Variants in FGD4 observed in about 807,000 individuals in gnomAD.
FGD4 encodes the protein FYVE, RhoGEF and PH domain containing 4.
FGD4 carries 42 observed loss-of-function variants against 102.0 expected under a neutral mutation model. The ratio of observed to expected loss-of-function variants is 0.41; its 90% CI spans 0.32 to 0.53. The LOEUF is 0.53. Among genes scored for constraint, FGD4 ranks in the 20% least tolerant of loss-of-function variants. FGD4 has a pLI of 0.21. For synonymous variants in FGD4, 380 were observed against 375.7 expected (o/e 1.01, Z -0.13); for missense variants, 902 against 1,078.2 (o/e 0.84, Z 2.29).
At chr12:32,448,043 C>A (rs559160502) in intron 1 of FGD4, among the ~76,000 whole-genome samples, 1 of 152,156 alleles carries the variant, frequency 6.6e-6, no homozygotes, top group Non-Finnish European at 1.5e-5. Flanking sequence ...TGGTACAAGA[C>A]GAACTGTTCA....
In FGD4 at chr12:32,572,470, T is replaced by C. The variant is rs191839664; in HGVS notation, c.320-3796T>C. Among the ~76,000 whole-genome samples the C allele has an allele frequency of 2.6e-5, 4 of 152,282 alleles. No individual in the cohort carries two copies. In the East Asian group the frequency reaches 7.7e-4, roughly 29 times the overall value. On this transcript the variant is annotated intron_variant, in intron 2 of 16. Coordinates refer to ENST00000534526, the MANE Select transcript of FGD4 (RefSeq NM_001370298.3). Reference sequence around the variant, plus strand: ...ACACTATTGATCTCTAGAATTAATATTTATCTGATGAAAGGGAAAAAAATC... The same window carrying C: ...ACACTATTGATCTCTAGAATTAATACTTATCTGATGAAAGGGAAAAAAATC...
chr12:32,593,071 A>G (rs1947609876), intron 4 of FGD4, among the ~76,000 whole-genome samples: 1 of 152,198 alleles, frequency 6.6e-6, no homozygotes, highest in Non-Finnish European at 1.5e-5. Context: ...TGATACAGTT[A>G]CTTTCTAACT....
intron 1 of FGD4, among the ~76,000 whole-genome samples, chr12:32,561,444 G>GT (rs889951967): frequency 4.0e-5 from 6 of 151,776 alleles, no homozygotes; most frequent in African/African-American, 7.3e-5. Flanking sequence ...AATTTTTTGG[G>GT]TTTTTTTTAC....
intron 1 of FGD4, among the ~76,000 whole-genome samples, chr12:32,531,722 C>T (rs1391581576): frequency 1.3e-5 from 2 of 152,150 alleles, no homozygotes; most frequent in African/African-American, 4.8e-5. Context: ...TGAATAAAGG[C>T]TCTGTAAACA....
chr12:32,547,160 G>T (rs1266742533), intron 1 of FGD4, among the ~76,000 whole-genome samples: 1 of 152,126 alleles, frequency 6.6e-6, no homozygotes, highest in Non-Finnish European at 1.5e-5. Context: ...AGGCAAGGCT[G>T]GGCACGGTGG....
Position 32,602,282 on chromosome 12 carries a change from A to G in FGD4, c.1369A>G (p.Ile457Val). The G allele has an allele frequency of 6.2e-7, 1 of 1,614,172 alleles. No individual in the cohort carries two copies. Among genetic ancestry groups the G allele is most frequent in the South Asian group, 1.1e-5 (1 of 91,088 alleles). The change falls in exon 7 of 17, where the codon ATT becomes GTT. Residue 457 changes from isoleucine to valine, a missense_variant. Ile to Val is a conservative substitution (Grantham distance 29). Around this residue, in one of 2 missense-constraint regions of FGD4, gnomAD observed 459 missense variants for 619.0 expected, o/e 0.74. Transcript: ENST00000534526. ...ATTGGTTAAAAACATGACAGAACGTATTCCCCAGTTCAAATCAGTGGTTGA... is the reference window on the plus strand; with the variant it reads ...ATTGGTTAAAAACATGACAGAACGTGTTCCCCAGTTCAAATCAGTGGTTGA... ...MELVKNMTER[I>V]PQFKSVVEEI...
intron 2 of FGD4, among the ~76,000 whole-genome samples, chr12:32,567,207 T>G (rs920680851): frequency 4.6e-5 from 7 of 152,218 alleles, no homozygotes; most frequent in Non-Finnish European, 1.0e-4. Flanking sequence ...ATCTGCCTGT[T>G]GCTTTCTTGC....
chr12:32,615,952 G>A (rs80119281), intron 10 of FGD4, among the ~76,000 whole-genome samples: 2,910 of 152,198 alleles, frequency 0.019, 80 homozygotes, highest in African/African-American at 0.067. Context: ...CATGAAAGGC[G>A]TGTTACTCTC....
chr12:32,638,741 G>C lies in FGD4; in HGVS notation c.2400G>C (p.Trp800Cys), dbSNP rs780572730. 1.9e-6 allele frequency: 3 copies of C among 1,614,172 alleles called. No individual in the cohort carries two copies. ...AGTCAAAACCTTGGCAGAAAGCTTGGTGTGTGATCCCCAAGCAAGACCCTC... is the reference window on the plus strand; with the variant it reads ...AGTCAAAACCTTGGCAGAAAGCTTGCTGTGTGATCCCCAAGCAAGACCCTC... ...MEKSKPWQKAWCVIPKQDPLV... is the reference protein window; with the variant it reads ...MEKSKPWQKACCVIPKQDPLV... Residue 800 changes from tryptophan to cysteine, a missense_variant, in exon 16 of 17, where the codon TGG (tryptophan) becomes TGC (cysteine). Trp to Cys is a radical substitution (Grantham distance 215, BLOSUM62 -2). Coordinates refer to ENST00000534526, the MANE Select transcript of FGD4 (RefSeq NM_001370298.3).
intron 1 of FGD4, among the ~76,000 whole-genome samples, chr12:32,405,155 G>C (rs912710566): frequency 6.6e-6 from 1 of 151,578 alleles, no homozygotes; most frequent in Non-Finnish European, 1.5e-5. Context: ...GGATGGTCTC[G>C]ATCTCCTGAC....
chr12:32,624,655 G>C (rs1019859198), intron 12 of FGD4: 1 of 678,678 alleles, frequency 1.5e-6, no homozygotes, highest in East Asian at 2.8e-5. Context: ...TTTGTATTTC[G>C]TAGAGACGAG....
intron 1 of FGD4, among the ~76,000 whole-genome samples, chr12:32,435,987 C>G (rs1942215873): frequency 6.6e-6 from 1 of 152,072 alleles, no homozygotes; most frequent in Non-Finnish European, 1.5e-5. Context: ...CTCAAAGTAC[C>G]CTTGGTGGAC....
chr12:32,570,404 G>A (rs1945564053), intron 2 of FGD4, among the ~76,000 whole-genome samples: 1 of 151,878 alleles, frequency 6.6e-6, no homozygotes, highest in Admixed American at 6.6e-5. Flanking sequence ...AGGTCTTTTA[G>A]TTAATAGTGC....
intron 1 of FGD4, among the ~76,000 whole-genome samples, chr12:32,555,099 G>C (rs1943982821): frequency 6.6e-6 from 1 of 152,184 alleles, no homozygotes. Context: ...CTGTAATTCA[G>C]TTAAAAATTA....
chr12:32,442,033 G>A (rs1191212507), intron 1 of FGD4, among the ~76,000 whole-genome samples: 1 of 147,264 alleles, frequency 6.8e-6, no homozygotes, highest in East Asian at 2.0e-4. Flanking sequence ...CAATTCAGGA[G>A]TGTTGTTGTG....
chr12:32,504,430 C>T (rs775540684), intron 1 of FGD4, among the ~76,000 whole-genome samples: 1 of 152,160 alleles, frequency 6.6e-6, no homozygotes, highest in African/African-American at 2.4e-5. Flanking sequence ...AGACCTGCCA[C>T]CATGCACACA....
At chr12:32,477,639 T>C (rs1943615695) in intron 1 of FGD4, among the ~76,000 whole-genome samples, 1 of 152,038 alleles carries the variant, frequency 6.6e-6, no homozygotes, top group African/African-American at 2.4e-5. Flanking sequence ...GAACGGTGTA[T>C]TTTTTTTAAA....
In FGD4 at chr12:32,471,491, G is replaced by T. The variant is rs183842565; in HGVS notation, c.166+71532G>T. ...AATTGATCATAGGTATAATGCATTA[G>T]ATTTTTCAGAAGAAAGAAAAGGTTT... On this transcript the variant is annotated intron_variant, in intron 1 of 16. Coordinates refer to ENST00000534526, the MANE Select transcript of FGD4 (RefSeq NM_001370298.3). Among the ~76,000 whole-genome samples, 7 of 152,318 alleles carry T rather than the reference G, an allele frequency of 4.6e-5. No individual in the cohort carries two copies. The East Asian group carries it at 1.2e-3, about 25-fold the overall frequency.
intron 1 of FGD4, among the ~76,000 whole-genome samples, chr12:32,558,228 G>A (rs890119623): frequency 1.3e-5 from 2 of 152,186 alleles, no homozygotes; most frequent in South Asian, 2.1e-4. Flanking sequence ...AGTACACTAA[G>A]GAGACAGTGA....
Sources: gnomAD v4.1 joint callset for allele counts (sites outside exome capture counted in the v4.1 genomes callset) on GRCh38, gnomAD v4.1.1 for gene constraint, gnomAD v4.1.1 regional missense constraint, MANE v1.5 for transcripts, NCBI Gene and HGNC (gene_info 2026-07-23, HGNC 2026-07-21) for gene names.